The following RARB variants were observed in gnomAD, a reference collection of about 807,000 sequenced individuals.
RARB encodes HBV-activated protein.
Under a neutral mutation model 51.9 loss-of-function variants are expected in RARB, and 17 were observed. That is an observed-to-expected ratio of 0.33 (90% confidence interval 0.22 to 0.49). The LOEUF is 0.49. Among genes scored for constraint, RARB ranks in the 20% least tolerant of loss-of-function variants. The probability of loss-of-function intolerance (pLI) is 0.99; values close to 1 mark genes in which losing one functional copy is unlikely to be tolerated. For missense variants in RARB, 369 were observed against 550.8 expected (o/e 0.67, Z 3.30); for synonymous variants, 215 against 195.4 (o/e 1.10, Z -0.84).
chr3:25,110,504 T>A (rs904181245), intron 3 of RARB, among the ~76,000 whole-genome samples: 4 of 152,204 alleles, frequency 2.6e-5, no homozygotes, highest in Non-Finnish European at 4.4e-5. Flanking sequence ...ATACCAGTTG[T>A]TTCATTTTAG....
At chr3:25,183,841 C>T (rs1306675818) in intron 5 of RARB, among the ~76,000 whole-genome samples, 1 of 152,068 alleles carries the variant, frequency 6.6e-6, no homozygotes, top group Admixed American at 6.6e-5. Context: ...TGTCTTCTCC[C>T]TTATATTTAG....
chr3:25,084,182 C>G (rs1699062633), intron 3 of RARB, among the ~76,000 whole-genome samples: 1 of 152,164 alleles, frequency 6.6e-6, no homozygotes, highest in South Asian at 2.1e-4. Context: ...TTCCAGTTGA[C>G]TCCTCCTCTT....
chr3:25,509,336 T>C (rs1273210275), intron 3 of RARB, among the ~76,000 whole-genome samples: 6 of 152,240 alleles, frequency 3.9e-5, no homozygotes, highest in Non-Finnish European at 4.4e-5. Flanking sequence ...AAGTGCCGAA[T>C]GAGAGTGGTT....
At chr3:25,399,417 T>C (rs1707206095) in intron 5 of RARB, among the ~76,000 whole-genome samples, 1 of 152,170 alleles carries the variant, frequency 6.6e-6, no homozygotes. Context: ...AGACAGTCAC[T>C]GGATGGGGCT....
At chr3:25,580,462 C>T (rs1701127141) in intron 4 of RARB, 84 bp from the exon 5 acceptor site, 2 of 1,314,372 alleles carry the variant, frequency 1.5e-6, no homozygotes, top group Non-Finnish European at 2.1e-6. Context: ...ATGTCACCCC[C>T]TCTAATTGGA....
intron 5 of RARB, among the ~76,000 whole-genome samples, chr3:25,305,735 G>T (rs932169230): frequency 6.6e-6 from 1 of 152,126 alleles, no homozygotes; most frequent in Non-Finnish European, 1.5e-5. Flanking sequence ...AGCAGAAAGA[G>T]CTTGGGCCTC....
At chr3:25,525,035 A>G (rs77618484) in intron 3 of RARB, among the ~76,000 whole-genome samples, 5,869 of 152,192 alleles carry the variant, frequency 0.039, 143 homozygotes, top group Non-Finnish European at 0.058. Flanking sequence ...AGCCCTTTGT[A>G]TATTTTTAAA....
chr3:25,221,044 C>CA (rs1156430370), intron 5 of RARB, among the ~76,000 whole-genome samples: 1 of 152,002 alleles, frequency 6.6e-6, no homozygotes, highest in Non-Finnish European at 1.5e-5. Context: ...AACACCTTTG[C>CA]AAATCTATTC....
intron 2 of RARB, among the ~76,000 whole-genome samples, chr3:24,903,052 G>A (rs978430842): frequency 6.6e-5 from 10 of 152,046 alleles, no homozygotes; most frequent in African/African-American, 2.4e-4. Flanking sequence ...TGGAAAAACT[G>A]TTTTGACATG....
rs555067765 is a variant in RARB at position 25,497,104 on chromosome 3, G to A, written c.307-4078G>A. ...TCTCCACGTTGGTCAGGCTGGTCTC[G>A]AACTCCCGACCCTCAGGTGATCCGC... On this transcript the variant is annotated intron_variant, in intron 2 of 7. Coordinates refer to ENST00000330688, the MANE Select transcript of RARB (RefSeq NM_000965.5). Among the ~76,000 whole-genome samples the A allele has an allele frequency of 3.3e-5, 5 of 152,244 alleles. No individual in the cohort carries two copies. The East Asian group carries it at 5.8e-4, about 18-fold the overall frequency.
chr3:24,869,187 A>T (rs1702901124), intron 2 of RARB, among the ~76,000 whole-genome samples: 2 of 152,162 alleles, frequency 1.3e-5, no homozygotes, highest in Admixed American at 1.3e-4. Flanking sequence ...CAGAATGTAC[A>T]ATTAAAATCA....
intron 2 of RARB, among the ~76,000 whole-genome samples, chr3:24,982,685 G>A (rs1158748322): frequency 6.6e-6 from 1 of 152,072 alleles, no homozygotes; most frequent in East Asian, 1.9e-4. Flanking sequence ...GACTGTTTTT[G>A]TTTAACTCTC....
intron 2 of RARB, among the ~76,000 whole-genome samples, chr3:24,955,559 C>T (rs191486108): frequency 1.3e-5 from 2 of 152,264 alleles, no homozygotes; most frequent in East Asian, 3.9e-4. Flanking sequence ...CCCCTTTGTC[C>T]TCTGAGGCTT....
intron 3 of RARB, among the ~76,000 whole-genome samples, chr3:25,093,584 A>T (rs1245260329): frequency 2.0e-5 from 3 of 152,156 alleles, no homozygotes; most frequent in Non-Finnish European, 4.4e-5. Context: ...TTACATGTAG[A>T]CATAAACAAT....
chr3:25,030,922 G>T (rs1324362560), intron 2 of RARB, among the ~76,000 whole-genome samples: 3 of 152,166 alleles, frequency 2.0e-5, no homozygotes, highest in African/African-American at 7.2e-5. Flanking sequence ...AGCAGAGTCA[G>T]TCTCTGAATA....
intron 5 of RARB, among the ~76,000 whole-genome samples, chr3:25,175,365 C>G (rs1350334373): frequency 1.3e-5 from 2 of 152,234 alleles, no homozygotes; most frequent in Non-Finnish European, 2.9e-5. Flanking sequence ...GCATCCACAG[C>G]ATGTTCTCCA....
intron 5 of RARB, among the ~76,000 whole-genome samples, chr3:25,262,889 C>G (rs1028204380): frequency 4.6e-5 from 7 of 152,188 alleles, no homozygotes; most frequent in Admixed American, 2.0e-4. Flanking sequence ...CTCTATCATT[C>G]CACATTAGTA....
intron 5 of RARB, among the ~76,000 whole-genome samples, chr3:25,287,754 G>C (rs575034038): frequency 2.4e-4 from 36 of 152,066 alleles, no homozygotes; most frequent in Non-Finnish European, 4.3e-4. Context: ...ATTTTCCACT[G>C]TTCAGTTTTT....
chr3:25,427,226 T>C (rs1708018312), upstream of RARB, among the ~76,000 whole-genome samples: 3 of 152,152 alleles, frequency 2.0e-5, no homozygotes, highest in African/African-American at 7.2e-5. Flanking sequence ...TGGGTAGGTC[T>C]CATCTCCCCG....
Sources: allele counts gnomAD v4.1 joint callset (sites outside exome capture counted in the v4.1 genomes callset), GRCh38; gene constraint gnomAD v4.1.1; transcripts MANE v1.5; gene names NCBI Gene and HGNC (gene_info 2026-07-23, HGNC 2026-07-21).